Variants in NLRP1 observed in about 807,000 individuals in gnomAD.
NLRP1 encodes the protein NLR family pyrin domain containing 1.
Under a neutral mutation model 136.7 loss-of-function variants are expected in NLRP1, and 94 were observed. That is an observed-to-expected ratio of 0.69 (90% CI 0.58 to 0.82). The LOEUF (loss-of-function observed/expected upper bound fraction) is 0.82, where lower values mean the gene tolerates loss of function less well. NLRP1 is among the 40% of genes least tolerant of loss of function. The pLI, the probability that NLRP1 is intolerant of heterozygous loss-of-function variation, is 0.00. For synonymous variants in NLRP1, 690 were observed against 725.1 expected (o/e 0.95, Z 0.78); for missense variants, 1,575 against 1,802.7 (o/e 0.87, Z 2.29).
intron 3 of NLRP1, among the ~76,000 whole-genome samples, chr17:5,569,208 T>TTG (rs1391502057): frequency 6.6e-6 from 1 of 152,076 alleles, no homozygotes; most frequent in Non-Finnish European, 1.5e-5. Flanking sequence ...ATCAAGCAAC[T>TTG]ACAAAATCAA....
At chr17:5,536,286 C>T (rs561443155) in intron 8 of NLRP1, among the ~76,000 whole-genome samples, 7,089 of 151,788 alleles carry the variant, frequency 0.047, 187 homozygotes, top group Middle Eastern at 0.089. Context: ...GTAGCTGAGA[C>T]TACAGGCGTG....
intron 4 of NLRP1, among the ~76,000 whole-genome samples, chr17:5,555,381 T>C (rs1330157002): frequency 6.6e-6 from 1 of 152,142 alleles, no homozygotes; most frequent in Non-Finnish European, 1.5e-5. Context: ...CTTATTCTTC[T>C]CTCTGCCTTG....
chr17:5,574,513 A>G (rs1224415024), intron 3 of NLRP1, among the ~76,000 whole-genome samples: 4 of 152,154 alleles, frequency 2.6e-5, no homozygotes, highest in Non-Finnish European at 5.9e-5. Context: ...TGTCAGATTC[A>G]CCAAAGCTGA....
At chr17:5,558,241 C>A (rs1481587119) in intron 4 of NLRP1, 98 bp downstream of exon 4, 28 of 1,359,108 alleles carry the variant, frequency 2.1e-5, no homozygotes, top group Non-Finnish European at 2.6e-5. Context: ...GCCACCCCCA[C>A]CCCCGGCCAG....
chr17:5,557,597 A>T (rs2151800529), intron 4 of NLRP1, among the ~76,000 whole-genome samples: 1 of 152,334 alleles, frequency 6.6e-6, no homozygotes, highest in Middle Eastern at 3.4e-3. Context: ...CCTGGCATAG[A>T]ATCAGTGCTT....
In NLRP1 at chr17:5,582,748, A is replaced by T; in HGVS notation, c.370T>A (p.Leu124Met). 6.2e-7 allele frequency: 1 copy of T among 1,613,990 alleles called. No individual in the cohort carries two copies. The highest frequency in any genetic ancestry group is 1.3e-5 in the African/African-American group (1 of 75,020). The change falls in exon 2 of 17, where the codon TTG becomes ATG. Residue 124 changes from leucine to methionine, a missense_variant. Transcript: ENST00000572272. ...GAGCCCTGGGTGCACCCCGCCGGCA[A>T]TTCATGGATCCAGGGCATTAGCACT... ...TAVLMPWIHE[L>M]PAGCTQGSER... is the part of the protein sequence containing the mutation.
downstream of NLRP1, among the ~76,000 whole-genome samples, chr17:5,512,706 G>A (rs149650784): frequency 3.1e-3 from 281 of 90,454 alleles, 1 homozygote; most frequent in Non-Finnish European, 4.1e-3. Context: ...TGTTGTCACC[G>A]TCTTGACATT....
chr17:5,582,082 A>G lies in NLRP1; in HGVS notation c.449-20T>C. 2 of 1,573,962 alleles carry G rather than the reference A, an allele frequency of 1.3e-6. No individual in the cohort carries two copies. Among genetic ancestry groups the G allele is most frequent in the Admixed American group, 3.6e-5 (2 of 55,834 alleles). On this transcript the variant is annotated intron_variant, in intron 2 of 16. Transcript: ENST00000572272. ...AGATTTCTGGGGGGAATGAAAAGAA[A>G]AATAACCATTTACTGAACATTTATT...
rs955554402 is a variant in NLRP1 at position 5,537,150 on chromosome 17, C to T, written c.2871-210G>A. 2.0e-5 allele frequency among the ~76,000 whole-genome samples: 3 copies of T among 152,160 alleles called. No homozygotes were observed. Among genetic ancestry groups the T allele is most frequent in the East Asian group, 1.9e-4 (1 of 5,188 alleles). On this transcript the variant is annotated intron_variant, in intron 7 of 16. Coordinates refer to ENST00000572272, the MANE Select transcript of NLRP1 (RefSeq NM_033004.4). This position sits in a 1 kb window ranked among gnomAD's most constrained non-coding sequence, Gnocchi z 4.5. ...GCCAGGGCAAGGGAAGGGAGGGAAT[C>T]GGGGAGACGTGGGCTGTGAGGCAGT...
chr17:5,562,974 G>A (rs574833307), intron 3 of NLRP1, among the ~76,000 whole-genome samples: 1 of 152,332 alleles, frequency 6.6e-6, no homozygotes, highest in South Asian at 2.1e-4. Context: ...GCCTTCTAGA[G>A]TTAGAGCAGG....
rs1420045454 is a variant in NLRP1 at position 5,530,487 on chromosome 17, G to A, written c.3514C>T (p.Leu1172Phe). ...ATCCTTCCCTGTTGTTTACCTTGGAGAGCCACAAAGTGAGGGAGGTGCACA... is the reference window on the plus strand; with the variant it reads ...ATCCTTCCCTGTTGTTTACCTTGGAAAGCCACAAAGTGAGGGAGGTGCACA... ...EAVHLPHFVA[L>F]QGGHVDTSLF... The change falls in exon 12 of 17, where the codon CTC becomes TTC. Residue 1172 changes from leucine (L) to phenylalanine (F), a missense_variant. Transcript: ENST00000572272. 7 of 1,613,642 alleles carry A rather than the reference G, an allele frequency of 4.3e-6. No individual in the cohort carries two copies. Among genetic ancestry groups the A allele is most frequent in the Non-Finnish European group, 5.9e-6 (7 of 1,179,834 alleles).
chr17:5,565,754 A>G (rs1232296575), intron 3 of NLRP1, among the ~76,000 whole-genome samples: 1 of 151,934 alleles, frequency 6.6e-6, no homozygotes, highest in East Asian at 1.9e-4. Flanking sequence ...AGTAGGACTG[A>G]TACTAGTTCT....
chr17:5,553,352 C>A (rs769082702), intron 5 of NLRP1, 34 bp downstream of exon 5: 1 of 1,564,360 alleles, frequency 6.4e-7, no homozygotes, highest in South Asian at 1.2e-5. Flanking sequence ...TCTTCCCCAT[C>A]CCTGCTTCAG....
intron 14 of NLRP1, among the ~76,000 whole-genome samples, chr17:5,518,811 A>T (rs7225264): frequency 0.016 from 2,361 of 151,468 alleles, 61 homozygotes; most frequent in African/African-American, 0.053. Context: ...ATTACAGGCG[A>T]AAGTCACTGT....
At position 5,533,943 on chromosome 17, in the gene NLRP1, C is replaced by T; in HGVS notation, c.3006G>A (p.Glu1002=). ...MTPTEGLDTG[E]MSNSTSSLKR... The stretch of plus-strand genomic sequence containing the variant: ...TGAGTGAGGATGTGCTATTACTCAT[C>T]TCTCCCGTATCCAGGCCCTCAGTAG... The change falls in exon 9 of 17, where the codon GAG becomes GAA. Residue 1002 remains glutamate, a synonymous_variant. Transcript: ENST00000572272. 6.2e-7 allele frequency: 1 copy of T among 1,613,660 alleles called. No individual in the cohort carries two copies. The highest frequency in any genetic ancestry group is 8.5e-7 in the Non-Finnish European group (1 of 1,179,692).
At chr17:5,550,548 T>C (rs960487901) in intron 5 of NLRP1, among the ~76,000 whole-genome samples, 5 of 152,194 alleles carry the variant, frequency 3.3e-5, no homozygotes, top group South Asian at 2.1e-4. Context: ...TACCCCATCT[T>C]TTATTTCTGA....
At chr17:5,506,667 G>A (rs1340138862) in intron 15 of NLRP1, among the ~76,000 whole-genome samples, 4 of 151,686 alleles carry the variant, frequency 2.6e-5, no homozygotes, top group Non-Finnish European at 5.9e-5. Context: ...CGAGGCGGGA[G>A]GATCACCTGA....
intron 8 of NLRP1, among the ~76,000 whole-genome samples, chr17:5,536,551 A>G (rs1344748618): frequency 6.6e-6 from 1 of 150,674 alleles, no homozygotes; most frequent in Non-Finnish European, 1.5e-5. Flanking sequence ...CCTGGGTTCA[A>G]GTTATTCTCA....
intron 3 of NLRP1, among the ~76,000 whole-genome samples, chr17:5,574,757 G>A (rs1904836813): frequency 6.6e-6 from 1 of 151,466 alleles, no homozygotes; most frequent in Non-Finnish European, 1.5e-5. Flanking sequence ...CGCCTCCCAG[G>A]TTCATGCCAT....
Sources: allele counts gnomAD v4.1 joint callset (sites outside exome capture counted in the v4.1 genomes callset), GRCh38; gene constraint gnomAD v4.1.1; non-coding constraint Gnocchi (gnomAD v3.1); transcripts MANE v1.5; gene names NCBI Gene and HGNC (gene_info 2026-07-23, HGNC 2026-07-21).